Variants in ATP7B observed in about 807,000 individuals in gnomAD.
ATP7B encodes the protein ATPase copper transporting beta.
ATP7B carries 113 observed loss-of-function variants against 118.9 expected under a neutral mutation model. That is an observed-to-expected ratio of 0.95 (90% CI 0.82 to 1.11). ATP7B has a LOEUF of 1.11. Among genes scored for constraint, ATP7B ranks in the 50% most tolerant of loss-of-function variants. ATP7B has a pLI of 0.00. For synonymous variants in ATP7B, 777 were observed against 727.4 expected (o/e 1.07, Z -1.10); for missense variants, 1,867 against 1,871.4 (o/e 1.00, Z 0.04).
intron 1 of ATP7B, among the ~76,000 whole-genome samples, chr13:51,982,867 T>C (rs2147360): frequency 0.61 from 92,164 of 152,138 alleles, 29,303 homozygotes; most frequent in Non-Finnish European, 0.71. Flanking sequence ...CCATGAGGAA[T>C]GGTGCACTCT....
At chr13:51,973,453 T>C (rs1213218348) in intron 2 of ATP7B, among the ~76,000 whole-genome samples, 4 of 152,146 alleles carry the variant, frequency 2.6e-5, no homozygotes, top group Non-Finnish European at 5.9e-5. Context: ...ATGAATGGAA[T>C]CCACTCATGG....
At chr13:51,965,532 C>G (rs1951504045) in intron 4 of ATP7B, among the ~76,000 whole-genome samples, 1 of 152,110 alleles carries the variant, frequency 6.6e-6, no homozygotes, top group Admixed American at 6.5e-5. Context: ...GTTAATACCT[C>G]TTATTAACAG....
rs377297166 is a variant in ATP7B at position 51,941,185 on chromosome 13, C to G, written c.3452G>C (p.Arg1151Pro). Residue 1151 changes from arginine to proline, a missense_variant, in exon 16 of 21, where the codon CGT (arginine) becomes CCT (proline). By Grantham distance (103) the Arg-to-Pro change is moderately radical (BLOSUM62 -2). Transcript: ENST00000242839. The part of the protein sequence containing the change: ...PQTFSVLIGN[R>P]EWLRRNGLTI... ...TAAACCGTTGCGCCTCAGCCACTCA[C>G]GGTTTCCAATCAGCACAGAGAAGGT... is the stretch of plus-strand genomic sequence containing the variant. The G allele has an allele frequency of 3.7e-6, 6 of 1,613,980 alleles. No individual in the cohort carries two copies. The highest frequency in any genetic ancestry group is 4.2e-6 in the Non-Finnish European group (5 of 1,180,034).
chr13:52,002,588 A>AGGAGAGGGGAGGGGAAGGGGAAAGGG, intron 1 of ATP7B, among the ~76,000 whole-genome samples: 1 of 85,180 alleles, frequency 1.2e-5, no homozygotes, highest in Non-Finnish European at 2.3e-5. Flanking sequence ...GGGAGAGGGG[A>AGGAGAGGGGAGGGGAAGGGGAAAGGG]GGGGAGGGGA....
At chr13:51,996,435 A>C (rs1014779783) in intron 1 of ATP7B, among the ~76,000 whole-genome samples, 1 of 152,236 alleles carries the variant, frequency 6.6e-6, no homozygotes, top group East Asian at 1.9e-4. Flanking sequence ...CACATCCCCC[A>C]TGGCAGGAAC....
intron 1 of ATP7B, among the ~76,000 whole-genome samples, chr13:52,010,763 A>T (rs1953986365): frequency 6.6e-6 from 1 of 152,262 alleles, no homozygotes; most frequent in Non-Finnish European, 1.5e-5. Flanking sequence ...ATATTTGCCG[A>T]ATGAAGACAT....
chr13:51,949,413 C>T lies in ATP7B; in HGVS notation c.2865+249G>A, dbSNP rs67645093. Among the ~76,000 whole-genome samples, 1,027 of 152,284 alleles carry T rather than the reference C, an allele frequency of 6.7e-3. 8 individuals carry two copies. The highest frequency in any genetic ancestry group is 0.012 in the South Asian group (58 of 4,816). On this transcript the variant is annotated intron_variant, in intron 12 of 20. Transcript: ENST00000242839. ...ATTGTAAATGCTTCAAGCATTACAA[C>T]TGAGCACCAATTGGTGTCTGTGAAA...
At chr13:51,937,142 A>G (rs1593643726) in intron 19 of ATP7B, 134 bp downstream of exon 19, 1 of 323,258 alleles carries the variant, frequency 3.1e-6, no homozygotes, top group Non-Finnish European at 5.1e-6. Flanking sequence ...GGGACATGAA[A>G]AAAAAAAAAA....
intron 2 of ATP7B, among the ~76,000 whole-genome samples, chr13:51,972,414 T>TTCC (rs1951886354): frequency 8.3e-6 from 1 of 119,766 alleles, no homozygotes; most frequent in Admixed American, 8.6e-5. Context: ...TCCCACACTC[T>TTCC]GCATTTCCGG....
intron 13 of ATP7B, among the ~76,000 whole-genome samples, chr13:51,944,590 A>T (rs1593674188): frequency 1.3e-5 from 2 of 152,138 alleles, no homozygotes; most frequent in African/African-American, 4.8e-5. Context: ...CCAGACAGTG[A>T]CACCATCCAC....
At chr13:51,989,330 T>C (rs758223461) in intron 1 of ATP7B, among the ~76,000 whole-genome samples, 9 of 152,302 alleles carry the variant, frequency 5.9e-5, no homozygotes, top group African/African-American at 7.2e-5. Flanking sequence ...AAGGCATTCA[T>C]TCAAACACAT....
At chr13:51,958,096 T>C in intron 8 of ATP7B, 2 of 608,020 alleles carry the variant, frequency 3.3e-6, no homozygotes, top group Non-Finnish European at 5.7e-6. Context: ...ACCTGAATGA[T>C]GGTTTTAATA....
chr13:51,969,576 T>C (rs945841479), intron 3 of ATP7B, among the ~76,000 whole-genome samples: 1 of 152,160 alleles, frequency 6.6e-6, no homozygotes, highest in Non-Finnish European at 1.5e-5. Context: ...GCTAACACTA[T>C]TGTGTTAGTT....
Position 51,944,234 on chromosome 13 carries a change from TGACCCTGGG to T in ATP7B, c.3109_3117del (p.Pro1037_Val1039del), listed in dbSNP as rs1316818978. ...ACATCCCCCAGCAGGAGCACCCGCA[TGACCCTGGG>T]GACGCCATGGGTAATGGTGCCAGTC... is the stretch of plus-strand genomic sequence containing the variant. On this transcript the variant is annotated inframe_deletion, in exon 14 of 21. Coordinates refer to ENST00000242839, the MANE Select transcript of ATP7B (RefSeq NM_000053.4). The T allele has an allele frequency of 9.3e-6, 15 of 1,614,126 alleles. No individual in the cohort carries two copies. The highest frequency in any genetic ancestry group is 1.3e-5 in the Non-Finnish European group (15 of 1,180,030).
intron 17 of ATP7B, among the ~76,000 whole-genome samples, chr13:51,937,919 C>T (rs918944021): frequency 2.6e-5 from 4 of 152,210 alleles, no homozygotes; most frequent in African/African-American, 4.8e-5. Flanking sequence ...TTGCTGGTCT[C>T]CCTGTCCACG....
chr13:51,972,240 C>G (rs1321780389), intron 2 of ATP7B, among the ~76,000 whole-genome samples: 1 of 152,198 alleles, frequency 6.6e-6, no homozygotes, highest in Non-Finnish European at 1.5e-5. Flanking sequence ...GGTCCTGAAG[C>G]AGCTGCCGAG....
chr13:51,958,557 G>A lies in ATP7B; in HGVS notation c.2122-13C>T. On this transcript the variant is annotated splice_polypyrimidine_tract_variant and intron_variant, in intron 7 of 20. Coordinates refer to ENST00000242839, the MANE Select transcript of ATP7B (RefSeq NM_000053.4). ...ACCCACCGAGGAGCTGAAAGACAAGGACAGTGAAGGCTGCCAGCAAGTAGG... is the reference window on the plus strand; with the variant it reads ...ACCCACCGAGGAGCTGAAAGACAAGAACAGTGAAGGCTGCCAGCAAGTAGG... The A allele has an allele frequency of 6.2e-7, 1 of 1,610,942 alleles. No individual in the cohort carries two copies. The highest frequency in any genetic ancestry group is 8.5e-7 in the Non-Finnish European group (1 of 1,177,104).
chr13:51,974,810 G>C lies in ATP7B; in HGVS notation c.410C>G (p.Ser137Cys), dbSNP rs1952025818. ...GACCACAGCCTCCTGGGCAGGCAAG[G>C]ACCTTGAGGGCCAGGAGGCTGCCTT... ...EGKAASWPSR[S>C]LPAQEAVVKL... The change falls in exon 2 of 21, where the codon TCC (serine) becomes TGC (cysteine). Residue 137 changes from serine (S) to cysteine (C), a missense_variant. Physicochemically the swap from Ser to Cys is moderately radical, Grantham distance 112. Transcript: ENST00000242839. The C allele has an allele frequency of 6.2e-7, 1 of 1,614,064 alleles. No homozygotes were observed. Among genetic ancestry groups the C allele is most frequent in the Admixed American group, 1.7e-5 (1 of 60,010 alleles).
At chr13:51,951,131 G>T (rs1266773975) in intron 9 of ATP7B, among the ~76,000 whole-genome samples, 3 of 152,056 alleles carry the variant, frequency 2.0e-5, no homozygotes, top group Non-Finnish European at 2.9e-5. Context: ...GGGAGAGTCA[G>T]GCTGTTGCAG....
Sources: gnomAD v4.1 joint callset for allele counts (sites outside exome capture counted in the v4.1 genomes callset) on GRCh38, gnomAD v4.1.1 for gene constraint, MANE v1.5 for transcripts, NCBI Gene and HGNC (gene_info 2026-07-23, HGNC 2026-07-21) for gene names.